The following SMIM10 variants were observed in gnomAD, a reference collection of about 807,000 sequenced individuals.
SMIM10 encodes small integral membrane protein 10.
For missense variants in SMIM10, 62 were observed against 73.1 expected (o/e 0.85, Z 0.55); for synonymous variants, 32 against 36.0 (o/e 0.89, Z 0.40).
In SMIM10 at chrX:134,991,825, A is replaced by C. The variant is rs374435572; in HGVS notation, c.*478A>C. ...CCCCAATTAGAAACGAAGTGAATAG[A>C]CCCAATTGAATGAGATGAATTCTAA... On this transcript the variant is annotated 3_prime_UTR_variant, in exon 1 of 1. Transcript: ENST00000330288. 1 of 125,686 alleles carries C rather than the reference A, an allele frequency of 8.0e-6. No individual in the cohort carries two copies. The highest frequency in any genetic ancestry group is 3.6e-4 in the South Asian group (1 of 2,757). 10.4% of individuals were successfully genotyped at this position (125,686 alleles called of 1,213,427 possible).
rs1437121713 is a variant in SMIM10 at position 134,991,764 on chromosome X, A to C, written c.*417A>C. ...GTAACTAAAAACTTAAGGAAAGATA[A>C]ACTGAACAAGAATGGCTCAGACAGC... is the stretch of plus-strand genomic sequence containing the variant. On this transcript the variant is annotated 3_prime_UTR_variant, in exon 1 of 1. Transcript: ENST00000330288. The C allele has an allele frequency of 2.2e-5, 3 of 133,871 alleles. No homozygotes were observed. Among genetic ancestry groups the C allele is most frequent in the Non-Finnish European group, 5.0e-5 (3 of 60,368 alleles). The allele number at this position is 133,871 out of a possible 1,213,427, so 11.0% of individuals were successfully genotyped here.
rs1438120210 is a variant in SMIM10 at position 134,991,239 on chromosome X, C to T, written c.144C>T (p.Arg48=). The T allele has an allele frequency of 8.6e-7, 1 of 1,168,545 alleles. No homozygotes were observed. The highest frequency in any genetic ancestry group is 1.9e-5 in the South Asian group (1 of 52,795). ...SYGAFCKTLT[R]TLLTFFDLAW... is the part of the protein sequence containing the mutation. ...GCGCCTTCTGCAAGACGCTCACGCG[C>T]ACGCTGCTCACCTTCTTCGACCTGG... The change falls in exon 1 of 1, where the codon CGC becomes CGT. Residue 48 remains arginine, a synonymous_variant. Coordinates refer to ENST00000330288, the MANE Select transcript of SMIM10 (RefSeq NM_001163438.2).
In SMIM10 at chrX:134,991,026, A is replaced by G; in HGVS notation, c.-70A>G. ...GCGCAGCTCGGATCAGCAGCAGCCC[A>G]GGAGGCCTCCCGCCCGTACTTTCCC... On this transcript the variant is annotated 5_prime_UTR_variant, in exon 1 of 1. Transcript: ENST00000330288. 3 of 1,113,737 alleles carry G rather than the reference A, an allele frequency of 2.7e-6. No individual in the cohort carries two copies. The highest frequency in any genetic ancestry group is 3.3e-5 in the East Asian group (1 of 30,209). 91.8% of individuals were successfully genotyped at this position (1,113,737 alleles called of 1,213,427 possible).
In SMIM10 at chrX:134,991,553, A is replaced by G; in HGVS notation, c.*206A>G. On this transcript the variant is annotated 3_prime_UTR_variant, in exon 1 of 1. Coordinates refer to ENST00000330288, the MANE Select transcript of SMIM10 (RefSeq NM_001163438.2). ...TGTGGAAAGCCTGAAATATAACCCA[A>G]ATCGTCTAAGATAGAATGAAAAATT... The G allele has an allele frequency of 2.2e-6, 1 of 446,126 alleles. No homozygotes were observed. Among genetic ancestry groups the G allele is most frequent in the Non-Finnish European group, 3.8e-6 (1 of 263,566 alleles). 36.8% of individuals were successfully genotyped at this position (446,126 alleles called of 1,213,427 possible). A position where few individuals can be genotyped will look rare whatever the true frequency, so the allele number is the denominator to read the frequency against.
Position 134,991,230 on chromosome X carries a change from G to C in SMIM10, c.135G>C (p.Thr45=), listed in dbSNP as rs1292837486. The C allele has an allele frequency of 8.6e-7, 1 of 1,168,370 alleles. No individual in the cohort carries two copies. Among genetic ancestry groups the C allele is most frequent in the African/African-American group, 1.8e-5 (1 of 56,556 alleles). The change falls in exon 1 of 1, where the codon ACG becomes ACC. Residue 45 remains threonine, a synonymous_variant. Transcript: ENST00000330288. The stretch of plus-strand genomic sequence containing the variant: ...GCTCTTACGGCGCCTTCTGCAAGAC[G>C]CTCACGCGCACGCTGCTCACCTTCT... ...TRGSYGAFCK[T]LTRTLLTFFD...
At position 134,991,198 on chromosome X, in the gene SMIM10, A is replaced by G; in HGVS notation, c.103A>G (p.Thr35Ala). ...LAVRLSRPQGTRGSYGAFCKT... is the reference protein window; with the variant it reads ...LAVRLSRPQGARGSYGAFCKT... Reference sequence around the variant, plus strand: ...GGTGCGGCTGTCGCGCCCGCAGGGGACCCGCGGCTCTTACGGCGCCTTCTG... The same window carrying G: ...GGTGCGGCTGTCGCGCCCGCAGGGGGCCCGCGGCTCTTACGGCGCCTTCTG... The change falls in exon 1 of 1, where the codon ACC (threonine) becomes GCC (alanine). Residue 35 changes from threonine (T) to alanine (A), a missense_variant. Coordinates refer to ENST00000330288, the MANE Select transcript of SMIM10 (RefSeq NM_001163438.2). The G allele has an allele frequency of 8.6e-7, 1 of 1,167,656 alleles. No homozygotes were observed. Among genetic ancestry groups the G allele is most frequent in the Non-Finnish European group, 1.1e-6 (1 of 872,867 alleles).
chrX:134,991,281 G>C lies in SMIM10; in HGVS notation c.186G>C (p.Lys62Asn). The C allele has an allele frequency of 8.6e-7, 1 of 1,168,330 alleles. No homozygotes were observed. Among genetic ancestry groups the C allele is most frequent in the Non-Finnish European group, 1.1e-6 (1 of 873,156 alleles). Reference sequence around the variant, plus strand: ...TCGACCTGGCCTGGCGGCTGCGCAAGAACTTCTTTTACTTCTATATTCTGG... The same window carrying C: ...TCGACCTGGCCTGGCGGCTGCGCAACAACTTCTTTTACTTCTATATTCTGG... ...TFFDLAWRLR[K>N]NFFYFYILAS... Residue 62 changes from lysine (K) to asparagine (N), a missense_variant, in exon 1 of 1, where the codon AAG (lysine) becomes AAC (asparagine). Transcript: ENST00000330288.
At position 134,991,017 on chromosome X, in the gene SMIM10, C is replaced by T. The variant is rs1377188575; in HGVS notation, c.-79C>T. 5 of 1,096,291 alleles carry T rather than the reference C, an allele frequency of 4.6e-6. No homozygotes were observed. The highest frequency in any genetic ancestry group is 3.4e-5 in the Admixed American group (1 of 29,614). The allele number at this position is 1,096,291 out of a possible 1,213,427, so 90.3% of individuals were successfully genotyped here. A position where few individuals can be genotyped will look rare whatever the true frequency, so the allele number is the denominator to read the frequency against. On this transcript the variant is annotated 5_prime_UTR_variant, in exon 1 of 1. Coordinates refer to ENST00000330288, the MANE Select transcript of SMIM10 (RefSeq NM_001163438.2). ...CGCCTTGCAGCGCAGCTCGGATCAG[C>T]AGCAGCCCAGGAGGCCTCCCGCCCG... is the stretch of plus-strand genomic sequence containing the variant.
chrX:134,991,281 G>A lies in SMIM10; in HGVS notation c.186G>A (p.Lys62=), dbSNP rs1201249036. ...TCGACCTGGCCTGGCGGCTGCGCAA[G>A]AACTTCTTTTACTTCTATATTCTGG... ...TFFDLAWRLR[K]NFFYFYILAS... is the part of the protein sequence containing the mutation. The change falls in exon 1 of 1, where the codon AAG becomes AAA. Residue 62 remains lysine, a synonymous_variant. Transcript: ENST00000330288. 2 of 1,168,330 alleles carry A rather than the reference G, an allele frequency of 1.7e-6. No individual in the cohort carries two copies. Among genetic ancestry groups the A allele is most frequent in the East Asian group, 3.2e-5 (1 of 30,779 alleles).
rs946436119 is a variant in SMIM10, at chrX:134,991,614, G to C, written c.*267G>C. 2.5e-5 allele frequency: 7 copies of C among 275,728 alleles called. No individual in the cohort carries two copies. The highest frequency in any genetic ancestry group is 2.8e-5 in the African/African-American group (1 of 35,689). 22.7% of individuals were successfully genotyped at this position (275,728 alleles called of 1,213,427 possible). ...GAAATATTTGAAGGAACAGAATACA[G>C]CTTAAAAATTTGAAAATCCTTAAAA... On this transcript the variant is annotated 3_prime_UTR_variant, in exon 1 of 1. Transcript: ENST00000330288.
rs1214351811 is a variant in SMIM10, at chrX:134,991,543, A to C, written c.*196A>C. ...AAACAGCATTTGTGGAAAGCCTGAA[A>C]TATAACCCAAATCGTCTAAGATAGA... On this transcript the variant is annotated 3_prime_UTR_variant, in exon 1 of 1. Transcript: ENST00000330288. 3 of 471,259 alleles carry C rather than the reference A, an allele frequency of 6.4e-6. No individual in the cohort carries two copies. In the East Asian group the frequency reaches 1.1e-4, roughly 18 times the overall value. 38.8% of individuals were successfully genotyped at this position (471,259 alleles called of 1,213,427 possible). A position where few individuals can be genotyped will look rare whatever the true frequency, so the allele number is the denominator to read the frequency against.
chrX:134,991,202 G>A lies in SMIM10; in HGVS notation c.107G>A (p.Arg36His), dbSNP rs756721420. The A allele has an allele frequency of 8.6e-7, 1 of 1,168,140 alleles. No homozygotes were observed. Among genetic ancestry groups the A allele is most frequent in the Non-Finnish European group, 1.1e-6 (1 of 872,975 alleles). ...AVRLSRPQGTRGSYGAFCKTL... is the reference protein window; with the variant it reads ...AVRLSRPQGTHGSYGAFCKTL... Reference sequence around the variant, plus strand: ...CGGCTGTCGCGCCCGCAGGGGACCCGCGGCTCTTACGGCGCCTTCTGCAAG... The same window carrying A: ...CGGCTGTCGCGCCCGCAGGGGACCCACGGCTCTTACGGCGCCTTCTGCAAG... Residue 36 changes from arginine to histidine, a missense_variant, in exon 1 of 1, where the codon CGC (arginine) becomes CAC (histidine). Arg to His is a conservative substitution (Grantham distance 29). Transcript: ENST00000330288.
rs11739 is a variant in SMIM10, at chrX:134,991,445, C to G, written c.*98C>G. 0.42 allele frequency: 415,030 copies of G among 985,114 alleles called. 64,604 individuals are homozygous for G. The highest frequency in any genetic ancestry group is 0.8 in the African/African-American group (40,989 of 51,024). The allele number at this position is 985,114 out of a possible 1,213,427, so 81.2% of individuals were successfully genotyped here. ...TAGAGCAAAGCGACCAACTCCGCTC[C>G]TGCATGCAGACTTGCCACTCATTCT... On this transcript the variant is annotated 3_prime_UTR_variant, in exon 1 of 1. Coordinates refer to ENST00000330288, the MANE Select transcript of SMIM10 (RefSeq NM_001163438.2).
chrX:134,991,041 C>T lies in SMIM10; in HGVS notation c.-55C>T. Reference sequence around the variant, plus strand: ...GCAGCAGCCCAGGAGGCCTCCCGCCCGTACTTTCCCGCGTCCATCCCTCTG... The same window carrying T: ...GCAGCAGCCCAGGAGGCCTCCCGCCTGTACTTTCCCGCGTCCATCCCTCTG... On this transcript the variant is annotated 5_prime_UTR_variant, in exon 1 of 1. Coordinates refer to ENST00000330288, the MANE Select transcript of SMIM10 (RefSeq NM_001163438.2). 8.9e-7 allele frequency: 1 copy of T among 1,127,933 alleles called. No homozygotes were observed. The highest frequency in any genetic ancestry group is 1.2e-6 in the Non-Finnish European group (1 of 851,553). The allele number at this position is 1,127,933 out of a possible 1,213,427, so 93.0% of individuals were successfully genotyped here.
At position 134,992,006 on chromosome X, in the gene SMIM10, A is replaced by AT. The variant is rs1339996460; in HGVS notation, c.*659_*660insT. The AT allele has an allele frequency of 8.1e-6, 1 of 123,864 alleles. No individual in the cohort carries two copies. Among genetic ancestry groups the AT allele is most frequent in the Non-Finnish European group, 1.9e-5 (1 of 53,423 alleles). The allele number at this position is 123,864 out of a possible 1,213,427, so 10.2% of individuals were successfully genotyped here. On this transcript the variant is annotated 3_prime_UTR_variant, in exon 1 of 1. Transcript: ENST00000330288. The stretch of plus-strand genomic sequence containing the variant: ...AAACTTATGTTTCACATATGAAGCA[A>AT]CCTCAGATGTGGCATGGTTTTGAAC...
At position 134,991,091 on chromosome X, in the gene SMIM10, G is replaced by T. The variant is rs758163284; in HGVS notation, c.-5G>T. The T allele has an allele frequency of 5.2e-6, 6 of 1,156,546 alleles. No individual in the cohort carries two copies. The African/African-American group carries it at 1.1e-4, about 21-fold the overall frequency. On this transcript the variant is annotated 5_prime_UTR_variant, in exon 1 of 1. Transcript: ENST00000330288. ...GTCCCACGGTCGGTGAGTCAGCGGA[G>T]CCTGATGGAGGCCTTGGGCTCTGGG...
Position 134,991,645 on chromosome X carries a change from T to C in SMIM10, c.*298T>C. On this transcript the variant is annotated 3_prime_UTR_variant, in exon 1 of 1. Transcript: ENST00000330288. Reference sequence around the variant, plus strand: ...AAATTTGAAAATCCTTAAAAATATCTGAGAAGTTTTTGCATCCGTAAAACA... The same window carrying C: ...AAATTTGAAAATCCTTAAAAATATCCGAGAAGTTTTTGCATCCGTAAAACA... The C allele has an allele frequency of 4.4e-6, 1 of 226,573 alleles. No individual in the cohort carries two copies. Among genetic ancestry groups the C allele is most frequent in the Non-Finnish European group, 8.3e-6 (1 of 119,962 alleles). The allele number at this position is 226,573 out of a possible 1,213,427, so 18.7% of individuals were successfully genotyped here.
rs1176642098 is a variant in SMIM10 at position 134,991,785 on chromosome X, A to G, written c.*438A>G. ...GATAAACTGAACAAGAATGGCTCAG[A>G]CAGCAGGCAAATCTCCCCAATTAGA... On this transcript the variant is annotated 3_prime_UTR_variant, in exon 1 of 1. Transcript: ENST00000330288. The G allele has an allele frequency of 7.7e-6, 1 of 129,157 alleles. No homozygotes were observed. The highest frequency in any genetic ancestry group is 2.6e-4 in the East Asian group (1 of 3,854). 10.6% of individuals were successfully genotyped at this position (129,157 alleles called of 1,213,427 possible).
chrX:134,991,513 G>A lies in SMIM10; in HGVS notation c.*166G>A, dbSNP rs1414787930. Reference sequence around the variant, plus strand: ...TTAGTATAAATGGGTGGCAAAAAAAGAAAAAAACAGCATTTGTGGAAAGCC... The same window carrying A: ...TTAGTATAAATGGGTGGCAAAAAAAAAAAAAAACAGCATTTGTGGAAAGCC... On this transcript the variant is annotated 3_prime_UTR_variant, in exon 1 of 1. Transcript: ENST00000330288. The A allele has an allele frequency of 1.7e-5, 10 of 575,599 alleles. No homozygotes were observed. Among genetic ancestry groups the A allele is most frequent in the African/African-American group, 4.6e-5 (2 of 43,212 alleles). 47.4% of individuals were successfully genotyped at this position (575,599 alleles called of 1,213,427 possible).
Sources: allele counts gnomAD v4.1 joint callset, GRCh38; gene constraint gnomAD v4.1.1; transcripts MANE v1.5; gene names NCBI Gene and HGNC (gene_info 2026-07-23, HGNC 2026-07-21).